PLEKHS1: variants seen among roughly 807,000 people sequenced by gnomAD.
The protein encoded by PLEKHS1 is pleckstrin homology domain-containing family S member 1.
In PLEKHS1, 55 loss-of-function variants were observed where a neutral mutation model predicts 51.0. That is an observed-to-expected ratio of 1.08 (90% CI 0.87 to 1.35). The LOEUF is 1.35. PLEKHS1 is among the 40% of genes most tolerant of loss of function. The probability of loss-of-function intolerance (pLI) is 0.00; values close to 1 mark genes in which losing one functional copy is unlikely to be tolerated. For missense variants in PLEKHS1, 398 were observed against 423.0 expected (o/e 0.94, Z 0.52); for synonymous variants, 153 against 144.8 (o/e 1.06, Z -0.41).
In PLEKHS1 at chr10:113,775,750, A is replaced by AC; in HGVS notation, c.990-15_990-14insC. 2.5e-6 allele frequency: 4 copies of AC among 1,594,892 alleles called. No homozygotes were observed. Among genetic ancestry groups the AC allele is most frequent in the Non-Finnish European group, 3.4e-6 (4 of 1,166,254 alleles). ...CAGTTGCCTGATGTGACTTTTACAA[A>AC]TGTCTTGTTCATAGTAATATCCCCG... On this transcript the variant is annotated splice_polypyrimidine_tract_variant and intron_variant, in intron 10 of 11. Transcript: ENST00000361048.
At chr10:113,770,714 G>A (rs1326750547) in intron 7 of PLEKHS1, among the ~76,000 whole-genome samples, 1 of 152,078 alleles carries the variant, frequency 6.6e-6, no homozygotes, top group African/African-American at 2.4e-5. Flanking sequence ...GAGTAGAAAC[G>A]GTGGTATGCA....
intron 2 of PLEKHS1, among the ~76,000 whole-genome samples, chr10:113,759,076 T>C (rs1843801521): frequency 6.6e-6 from 1 of 152,126 alleles, no homozygotes; most frequent in African/African-American, 2.4e-5. Flanking sequence ...GGTCTGCCTG[T>C]ATTTGATATG....
chr10:113,776,753 G>C (rs913302136), intron 11 of PLEKHS1, among the ~76,000 whole-genome samples: 1 of 152,046 alleles, frequency 6.6e-6, no homozygotes, highest in African/African-American at 2.4e-5. Context: ...ATACTTCTGG[G>C]GTCATGTAAC....
Position 113,767,480 on chromosome 10 carries a change from G to A in PLEKHS1, c.359+1G>A, listed in dbSNP as rs1440309959. On this transcript the variant is annotated splice_donor_variant, in intron 5 of 11. Coordinates refer to ENST00000361048, the Ensembl canonical transcript of PLEKHS1. LOFTEE classifies it high-confidence loss of function. ...AATACTTCCTCATTGGCCACGACAGGTGAGAGAAGTAAGATAACACAGAAT... is the reference window on the plus strand; with the variant it reads ...AATACTTCCTCATTGGCCACGACAGATGAGAGAAGTAAGATAACACAGAAT... 6.2e-7 allele frequency: 1 copy of A among 1,603,144 alleles called. No homozygotes were observed. Among genetic ancestry groups the A allele is most frequent in the East Asian group, 2.2e-5 (1 of 44,602 alleles).
chr10:113,777,505 T>G (rs1385078946), intron 11 of PLEKHS1: 1 of 1,568,370 alleles, frequency 6.4e-7, no homozygotes, highest in Non-Finnish European at 8.7e-7. Flanking sequence ...ATCGGCATGA[T>G]GTAGCAAAAA....
exon 12 of PLEKHS1, chr10:113,780,777 A>T (rs573578485): frequency 6.5e-7 from 1 of 1,547,400 alleles, no homozygotes; most frequent in East Asian, 2.4e-5. Context: ...GGAGCCAGGG[A>T]GTAACGCACC....
At chr10:113,762,923 C>T (rs1844007100) in intron 2 of PLEKHS1, among the ~76,000 whole-genome samples, 1 of 152,050 alleles carries the variant, frequency 6.6e-6, no homozygotes, top group Non-Finnish European at 1.5e-5. Context: ...ATGAGGCCAG[C>T]ATTACTCTTC....
intron 2 of PLEKHS1, among the ~76,000 whole-genome samples, chr10:113,756,487 G>A (rs1454690184): frequency 2.0e-5 from 3 of 152,052 alleles, no homozygotes; most frequent in African/African-American, 7.2e-5. Context: ...TTCTTGTCAA[G>A]AACTTAAACA....
chr10:113,777,831 C>A (rs570696467), intron 11 of PLEKHS1: 1 of 1,363,500 alleles, frequency 7.3e-7, no homozygotes, highest in Non-Finnish European at 9.6e-7. Flanking sequence ...AAGAATTAAA[C>A]ATAATATGTG....
intron 8 of PLEKHS1, among the ~76,000 whole-genome samples, chr10:113,773,085 T>C (rs1312922171): frequency 6.6e-6 from 1 of 152,210 alleles, no homozygotes; most frequent in East Asian, 1.9e-4. Flanking sequence ...CGTATGTTTA[T>C]ATAAAAGAAA....
chr10:113,775,555 T>C (rs1220112233), intron 10 of PLEKHS1, among the ~76,000 whole-genome samples: 2 of 152,236 alleles, frequency 1.3e-5, no homozygotes, highest in Non-Finnish European at 2.9e-5. Context: ...TTAGTCCATT[T>C]TTCCCTCTGT....
chr10:113,782,365 C>G (rs1428603945), exon 12 of PLEKHS1: 1 of 152,172 alleles, frequency 6.6e-6, no homozygotes, highest in East Asian at 1.9e-4. Context: ...AAGAGACATT[C>G]AAATACATTT....
intron 5 of PLEKHS1, among the ~76,000 whole-genome samples, chr10:113,768,515 G>C (rs919316142): frequency 1.1e-4 from 16 of 152,130 alleles, no homozygotes; most frequent in African/African-American, 3.9e-4. Context: ...CAGGTTAGGG[G>C]GCTTGCTTGA....
At chr10:113,781,065 A>C (rs1844852004) in exon 12 of PLEKHS1, 1 of 424,376 alleles carries the variant, frequency 2.4e-6, no homozygotes, top group East Asian at 4.0e-5. Flanking sequence ...CATGTAATAC[A>C]TGCTGTGTTC....
intron 7 of PLEKHS1, among the ~76,000 whole-genome samples, chr10:113,770,290 G>A (rs1844347166): frequency 6.6e-6 from 1 of 152,170 alleles, no homozygotes; most frequent in Non-Finnish European, 1.5e-5. Flanking sequence ...GGCAAAGGCT[G>A]AGTTTCTTGT....
chr10:113,756,676 A>G (rs757893002), intron 2 of PLEKHS1, among the ~76,000 whole-genome samples: 6 of 152,184 alleles, frequency 3.9e-5, no homozygotes, highest in Non-Finnish European at 7.3e-5. Context: ...TTTTAAAGAA[A>G]TCAGAAAAAA....
At chr10:113,777,826 T>G in intron 11 of PLEKHS1, 4 of 1,377,692 alleles carry the variant, frequency 2.9e-6, no homozygotes, top group Non-Finnish European at 3.8e-6. Flanking sequence ...ATTGCAAGAA[T>G]TAAACATAAT....
chr10:113,754,728 C>A (rs973483625), intron 1 of PLEKHS1, among the ~76,000 whole-genome samples: 1 of 152,156 alleles, frequency 6.6e-6, no homozygotes, highest in Admixed American at 6.5e-5. Flanking sequence ...TCATGATCTA[C>A]CCGCCTCAGC....
At chr10:113,758,052 G>A (rs1238082549) in intron 2 of PLEKHS1, among the ~76,000 whole-genome samples, 1 of 152,198 alleles carries the variant, frequency 6.6e-6, no homozygotes, top group Non-Finnish European at 1.5e-5. Flanking sequence ...ACTGAAGGAA[G>A]TTTTGAACCC....
Sources: gnomAD v4.1 joint callset for allele counts (sites outside exome capture counted in the v4.1 genomes callset) on GRCh38, gnomAD v4.1.1 for gene constraint, MANE v1.5 for transcripts, NCBI Gene and HGNC (gene_info 2026-07-23, HGNC 2026-07-21) for gene names.